Variants in ZNF618 observed in about 807,000 individuals in gnomAD.
ZNF618 encodes the protein neural precursor cell expressed, developmentally down-regulated 10.
A neutral mutation model predicts 103.0 loss-of-function variants in ZNF618; 34 were observed. The observed-to-expected ratio is 0.33, with a 90% confidence interval of 0.25 to 0.44. ZNF618 has a LOEUF of 0.44. Among genes scored for constraint, ZNF618 ranks in the 20% least tolerant of loss-of-function variants. ZNF618 has a pLI of 1.00. For synonymous variants in ZNF618, 551 were observed against 542.2 expected (o/e 1.02, Z -0.23); for missense variants, 1,059 against 1,295.4 (o/e 0.82, Z 2.80).
intron 1 of ZNF618, among the ~76,000 whole-genome samples, chr9:113,922,842 A>G (rs1316823039): frequency 6.6e-6 from 1 of 152,198 alleles, no homozygotes; most frequent in Non-Finnish European, 1.5e-5. Context: ...GCACAGAACA[A>G]CTTCTGGACT....
chr9:113,885,785 G>C (rs946989997), intron 1 of ZNF618, among the ~76,000 whole-genome samples: 5 of 152,194 alleles, frequency 3.3e-5, no homozygotes, highest in Non-Finnish European at 5.9e-5. Context: ...AAGAACTGGA[G>C]AAACATGTTG....
intron 3 of ZNF618, 50 bp from the exon 4 acceptor site, chr9:113,998,209 C>T (rs1242639613): frequency 1.3e-6 from 2 of 1,523,818 alleles, no homozygotes; most frequent in Non-Finnish European, 8.9e-7. Context: ...CCTAACCTTC[C>T]AGGCATTCTC....
In ZNF618 at chr9:114,016,136, T is replaced by C; in HGVS notation, c.755-559T>C. On this transcript the variant is annotated intron_variant, in intron 9 of 14. Transcript: ENST00000374126. ...AGTGAACAATATTACATCAGACATTTTTAAGAAGAAAGAAGTTAGGCAGTG... is the reference window on the plus strand; with the variant it reads ...AGTGAACAATATTACATCAGACATTCTTAAGAAGAAAGAAGTTAGGCAGTG... The C allele has an allele frequency of 1.9e-6, 3 of 1,613,550 alleles. No individual in the cohort carries two copies. The Admixed American group carries it at 5.0e-5, about 27-fold the overall frequency.
chr9:113,957,958 T>C (rs1031637411), intron 1 of ZNF618, among the ~76,000 whole-genome samples: 2 of 152,148 alleles, frequency 1.3e-5, no homozygotes, highest in African/African-American at 4.8e-5. Flanking sequence ...CAGGCGGTTT[T>C]CCCTAGAGTT....
At chr9:114,008,593 G>C in intron 9 of ZNF618, 39 bp downstream of exon 9, 1 of 1,609,396 alleles carries the variant, frequency 6.2e-7, no homozygotes, top group Non-Finnish European at 8.5e-7. Flanking sequence ...GCTGGGTGGG[G>C]GCTGGCCAAG....
At chr9:113,991,736 G>A (rs1030278829) in intron 3 of ZNF618, among the ~76,000 whole-genome samples, 2 of 152,204 alleles carry the variant, frequency 1.3e-5, no homozygotes, top group African/African-American at 4.8e-5. Flanking sequence ...CCTGGGAACT[G>A]GACTGGGAAA....
chr9:114,003,025 C>G (rs1051492187), intron 6 of ZNF618, among the ~76,000 whole-genome samples: 81 of 152,208 alleles, frequency 5.3e-4, no homozygotes, highest in African/African-American at 2.0e-3. Flanking sequence ...CCATGGGTGC[C>G]CTGGATATGC....
chr9:113,905,131 A>G (rs564630890), intron 1 of ZNF618, among the ~76,000 whole-genome samples: 5 of 152,048 alleles, frequency 3.3e-5, no homozygotes, highest in African/African-American at 9.7e-5. Context: ...GTGCAGTGGC[A>G]TAGTCTTGGC....
intron 9 of ZNF618, among the ~76,000 whole-genome samples, chr9:114,015,031 C>A (rs1842545231): frequency 6.6e-6 from 1 of 151,862 alleles, no homozygotes; most frequent in Non-Finnish European, 1.5e-5. Context: ...TAGTCTTTGA[C>A]AGAGCAAGTA....
intron 1 of ZNF618, among the ~76,000 whole-genome samples, chr9:113,928,034 C>T (rs1377855220): frequency 1.3e-5 from 2 of 152,130 alleles, no homozygotes; most frequent in African/African-American, 2.4e-5. Flanking sequence ...TTTCTTGTTA[C>T]GAGGCATGGA....
intron 1 of ZNF618, among the ~76,000 whole-genome samples, chr9:113,881,135 T>A (rs1401389297): frequency 6.6e-6 from 1 of 152,222 alleles, no homozygotes; most frequent in African/African-American, 2.4e-5. Flanking sequence ...AGATCTAAAG[T>A]GTGTGGAGTC....
At chr9:114,048,104 C>A in intron 14 of ZNF618, 110 bp downstream of exon 14, 1 of 960,552 alleles carries the variant, frequency 1.0e-6, no homozygotes, top group Non-Finnish European at 1.6e-6. Flanking sequence ...TAAGATGATG[C>A]ATGATAGTTT....
chr9:114,014,976 A>G (rs1433510929), intron 9 of ZNF618, among the ~76,000 whole-genome samples: 1 of 152,240 alleles, frequency 6.6e-6, no homozygotes, highest in Non-Finnish European at 1.5e-5. Flanking sequence ...AATATACAAA[A>G]TAAATTTAGA....
At chr9:113,886,971 CTTTTTTTTTTTTTTTTTT>C (rs57000343) in intron 1 of ZNF618, among the ~76,000 whole-genome samples, 6 of 109,518 alleles carry the variant, frequency 5.5e-5, no homozygotes, top group Non-Finnish European at 7.2e-5. Flanking sequence ...TTACTTTCTA[CTTTTTTTTTTTTTTTTTT>C]TTTTTTTTTT....
At chr9:113,911,528 C>T (rs1203949477) in intron 1 of ZNF618, among the ~76,000 whole-genome samples, 3 of 151,788 alleles carry the variant, frequency 2.0e-5, no homozygotes, top group Non-Finnish European at 2.9e-5. Context: ...GGGGTTTCAC[C>T]GTGTTATCTA....
intron 1 of ZNF618, among the ~76,000 whole-genome samples, chr9:113,914,450 C>T (rs1441347139): frequency 3.3e-5 from 5 of 152,130 alleles, no homozygotes; most frequent in South Asian, 2.1e-4. Context: ...AGCAGAAGAA[C>T]CCATTGGGTG....
intron 2 of ZNF618, among the ~76,000 whole-genome samples, chr9:113,983,765 C>T (rs530445276): frequency 5.9e-5 from 9 of 152,098 alleles, no homozygotes; most frequent in East Asian, 1.9e-4. Flanking sequence ...TCTGGAGATG[C>T]GAGTTCTGGT....
intron 14 of ZNF618, 66 bp downstream of exon 14, chr9:114,048,060 C>G: frequency 7.6e-7 from 1 of 1,321,754 alleles, no homozygotes; most frequent in Non-Finnish European, 1.1e-6. Flanking sequence ...CTCTCTGCCC[C>G]CCATTCCCAC....
intron 1 of ZNF618, among the ~76,000 whole-genome samples, chr9:113,905,484 G>A (rs1830908820): frequency 6.6e-6 from 1 of 152,144 alleles, no homozygotes; most frequent in Non-Finnish European, 1.5e-5. Context: ...GCTCATTTTT[G>A]TGTACTGTCC....
Sources: allele counts gnomAD v4.1 joint callset (sites outside exome capture counted in the v4.1 genomes callset), GRCh38; gene constraint gnomAD v4.1.1; transcripts MANE v1.5; gene names NCBI Gene and HGNC (gene_info 2026-07-23, HGNC 2026-07-21).